Variants in TIAM1 observed in about 807,000 individuals in gnomAD.
The protein encoded by TIAM1 is TIAM Rac1 associated GEF 1.
Under a neutral mutation model 163.5 loss-of-function variants are expected in TIAM1, and 65 were observed. The observed-to-expected ratio is 0.40, with a 90% confidence interval of 0.33 to 0.49. The LOEUF (loss-of-function observed/expected upper bound fraction) is 0.49. TIAM1 is among the 20% of genes least tolerant of loss of function. The probability of loss-of-function intolerance (pLI) is 0.77; values close to 1 mark genes in which losing one functional copy is unlikely to be tolerated. For synonymous variants in TIAM1, 833 were observed against 810.1 expected (o/e 1.03, Z -0.48); for missense variants, 1,789 against 2,044.7 (o/e 0.87, Z 2.41).
chr21:31,418,534 G>A (rs184957328), intron 2 of TIAM1, among the ~76,000 whole-genome samples: 181 of 152,044 alleles, frequency 1.2e-3, no homozygotes, highest in Non-Finnish European at 1.7e-3. Context: ...CCCCTACCCC[G>A]GTGGCTGCAG....
chr21:31,171,517 T>C (rs914397438), intron 15 of TIAM1, among the ~76,000 whole-genome samples: 1 of 152,212 alleles, frequency 6.6e-6, no homozygotes, highest in African/African-American at 2.4e-5. Flanking sequence ...AAATCAATAA[T>C]TGGCGGCATA....
At chr21:31,471,081 T>C (rs1226954196) in intron 1 of TIAM1, among the ~76,000 whole-genome samples, 1 of 152,148 alleles carries the variant, frequency 6.6e-6, no homozygotes. Flanking sequence ...GAAAATCTCA[T>C]CGTGTTGTTC....
chr21:31,465,735 G>T (rs930023839), intron 1 of TIAM1, among the ~76,000 whole-genome samples: 6 of 152,176 alleles, frequency 3.9e-5, no homozygotes, highest in Non-Finnish European at 7.4e-5. Context: ...CATGCCCAGC[G>T]AATTTTTTGT....
intron 2 of TIAM1, among the ~76,000 whole-genome samples, chr21:31,365,925 A>C (rs2147144855): frequency 6.6e-6 from 1 of 151,208 alleles, no homozygotes; most frequent in East Asian, 2.0e-4. Context: ...ACATGGTGAA[A>C]CCCCGTCTGT....
Position 31,146,899 on chromosome 21 carries a change from C to A in TIAM1, c.3471G>T (p.Val1157=), listed in dbSNP as rs758988009. Reference sequence around the variant, plus strand: ...CCACATCCTCAGAGGCCTTACCTTTCACCAGGACCTTGGGAACTTTTGTGT... The same window carrying A: ...CCACATCCTCAGAGGCCTTACCTTTAACCAGGACCTTGGGAACTTTTGTGT... ...ASHTKVPKVL[V]KAKTDTAFKA... The change falls in exon 20 of 28, where the codon GTG becomes GTT. Residue 1157 remains valine, a synonymous_variant. Coordinates refer to ENST00000541036, the MANE Select transcript of TIAM1 (RefSeq NM_001353694.2). 7 of 1,613,944 alleles carry A rather than the reference C, an allele frequency of 4.3e-6. No homozygotes were observed. Among genetic ancestry groups the A allele is most frequent in the Non-Finnish European group, 1.7e-6 (2 of 1,179,882 alleles).
intron 1 of TIAM1, among the ~76,000 whole-genome samples, chr21:31,502,001 A>G (rs1216455340): frequency 1.3e-5 from 2 of 152,218 alleles, no homozygotes; most frequent in Non-Finnish European, 2.9e-5. Context: ...GAATTTAATC[A>G]GGGTAAGACT....
At chr21:31,370,627 T>C (rs561674895) in intron 2 of TIAM1, among the ~76,000 whole-genome samples, 1 of 152,240 alleles carries the variant, frequency 6.6e-6, no homozygotes, top group East Asian at 1.9e-4. Flanking sequence ...TGTTTGAAAT[T>C]ACCCACAATA....
At chr21:31,219,531 C>T (rs2087426029) in intron 8 of TIAM1, among the ~76,000 whole-genome samples, 1 of 152,190 alleles carries the variant, frequency 6.6e-6, no homozygotes, top group African/African-American at 2.4e-5. Context: ...GGAAGGCACG[C>T]CCCTCTGGGG....
chr21:31,215,568 GAAAAAAAAAA>G (rs398040071), intron 9 of TIAM1, among the ~76,000 whole-genome samples: 3 of 75,546 alleles, frequency 4.0e-5, no homozygotes, highest in East Asian at 3.4e-4. Context: ...TCTCAAAAAA[GAAAAAAAAAA>G]AAAAAAAAAA....
At chr21:31,159,706 G>A (rs750159740) in intron 16 of TIAM1, among the ~76,000 whole-genome samples, 4 of 152,190 alleles carry the variant, frequency 2.6e-5, no homozygotes, top group Non-Finnish European at 4.4e-5. Flanking sequence ...TCAGGTGTAC[G>A]CACTGTAGAA....
chr21:31,556,963 T>C (rs964424203), intron 1 of TIAM1, among the ~76,000 whole-genome samples: 2 of 152,208 alleles, frequency 1.3e-5, no homozygotes, highest in African/African-American at 2.4e-5. Context: ...TCCTAGAAAG[T>C]GTTCCCTCCT....
rs1220751838 is a variant in TIAM1, at chr21:31,229,505, TCCA to T, written c.1585-3558_1585-3556del. ...GAAGTTCCAAAAAGCTTCACCCTTC[TCCA>T]CCATTTATTTCTTTGTCCTCCCAAG... On this transcript the variant is annotated intron_variant, in intron 6 of 27. Coordinates refer to ENST00000541036, the MANE Select transcript of TIAM1 (RefSeq NM_001353694.2). 2.0e-5 allele frequency among the ~76,000 whole-genome samples: 3 copies of T among 152,120 alleles called. No homozygotes were observed. In the East Asian group the frequency reaches 5.8e-4, roughly 29 times the overall value.
intron 6 of TIAM1, 44 bp from the exon 7 acceptor site, chr21:31,225,994 G>A: frequency 6.4e-7 from 1 of 1,557,060 alleles, no homozygotes; most frequent in South Asian, 1.1e-5. Flanking sequence ...CACCTCTTAG[G>A]AACTTAAGAG....
At chr21:31,264,324 G>A (rs2072642281) in intron 4 of TIAM1, among the ~76,000 whole-genome samples, 1 of 151,980 alleles carries the variant, frequency 6.6e-6, no homozygotes, top group Non-Finnish European at 1.5e-5. Flanking sequence ...CCACCTTTAT[G>A]AGGTACTCAA....
At chr21:31,361,595 A>G (rs2076407477) in intron 2 of TIAM1, among the ~76,000 whole-genome samples, 1 of 152,200 alleles carries the variant, frequency 6.6e-6, no homozygotes, top group African/African-American at 2.4e-5. Flanking sequence ...CTGTAGACGA[A>G]TATTTCCCAC....
chr21:31,356,922 A>C (rs921383984), intron 2 of TIAM1, among the ~76,000 whole-genome samples: 2 of 152,262 alleles, frequency 1.3e-5, no homozygotes, highest in Non-Finnish European at 2.9e-5. Flanking sequence ...GTTCGAGACC[A>C]GGCTGGGCAA....
intron 13 of TIAM1, among the ~76,000 whole-genome samples, chr21:31,190,668 G>C (rs1024694738): frequency 6.6e-6 from 1 of 152,156 alleles, no homozygotes; most frequent in Non-Finnish European, 1.5e-5. Context: ...AGGCAGCCGA[G>C]GGTCTCATGC....
At chr21:31,149,007 G>A (rs949237978) in intron 19 of TIAM1, among the ~76,000 whole-genome samples, 1 of 149,676 alleles carries the variant, frequency 6.7e-6, no homozygotes, top group African/African-American at 2.5e-5. Flanking sequence ...AAAAAGAGCA[G>A]CAATTGTGGA....
intron 2 of TIAM1, among the ~76,000 whole-genome samples, chr21:31,289,064 C>T (rs2073918105): frequency 6.6e-6 from 1 of 152,200 alleles, no homozygotes; most frequent in African/African-American, 2.4e-5. Context: ...ATCTGCAATG[C>T]ATAAATAAGC....
Sources: allele counts gnomAD v4.1 joint callset (sites outside exome capture counted in the v4.1 genomes callset), GRCh38; gene constraint gnomAD v4.1.1; transcripts MANE v1.5; gene names NCBI Gene and HGNC (gene_info 2026-07-23, HGNC 2026-07-21).